The following PTPN11 variants were observed in gnomAD, a reference collection of about 807,000 sequenced individuals.
PTPN11 encodes the protein tyrosine-protein phosphatase non-receptor type 11.
In PTPN11, 6 loss-of-function variants were observed where a neutral mutation model predicts 78.8. That is an observed-to-expected ratio of 0.08 (90% CI 0.04 to 0.15). The LOEUF is 0.15. Ranked by LOEUF, PTPN11 falls within the 10% of genes least tolerant of loss-of-function variation. The pLI is 1.00. For missense variants in PTPN11, 386 were observed against 744.8 expected, an observed-to-expected ratio of 0.52 and a Z score of 5.61; for synonymous variants, 221 against 263.5, an observed-to-expected ratio of 0.84 and a Z score of 1.56.
intron 5 of PTPN11, among the ~76,000 whole-genome samples, chr12:112,455,100 G>T (rs1288620643): frequency 6.6e-6 from 1 of 151,888 alleles, no homozygotes; most frequent in Admixed American, 6.6e-5. Context: ...GATTACAGGC[G>T]TGAGCTACCA....
At chr12:112,476,887 A>C (rs899705048) in intron 7 of PTPN11, among the ~76,000 whole-genome samples, 2 of 152,212 alleles carry the variant, frequency 1.3e-5, no homozygotes, top group African/African-American at 4.8e-5. Flanking sequence ...CAGCTTCAAC[A>C]ATTATCAACT....
chr12:112,437,794 CCT>C (rs1431731324), intron 1 of PTPN11, among the ~76,000 whole-genome samples: 1 of 152,036 alleles, frequency 6.6e-6, no homozygotes, highest in East Asian at 1.9e-4. Flanking sequence ...TGCGGTAGTT[CCT>C]TAATTGTTTT....
intron 6 of PTPN11, among the ~76,000 whole-genome samples, chr12:112,470,570 A>G (rs144739874): frequency 2.6e-5 from 4 of 152,294 alleles, no homozygotes; most frequent in Non-Finnish European, 4.4e-5. Flanking sequence ...GGAGGGAGAA[A>G]TTGAAGGGTA....
intron 3 of PTPN11, among the ~76,000 whole-genome samples, chr12:112,451,391 A>G (rs1030063396): frequency 6.6e-6 from 1 of 152,160 alleles, no homozygotes; most frequent in African/African-American, 2.4e-5. Context: ...CCTTAACACC[A>G]CCTGCCATGA....
intron 7 of PTPN11, among the ~76,000 whole-genome samples, chr12:112,475,295 G>A (rs929641376): frequency 1.3e-5 from 2 of 151,944 alleles, no homozygotes; most frequent in African/African-American, 4.8e-5. Flanking sequence ...AGTGCACTGA[G>A]GAGAAAGGAA....
At chr12:112,472,230 C>T (rs2038430113) in intron 6 of PTPN11, among the ~76,000 whole-genome samples, 1 of 152,066 alleles carries the variant, frequency 6.6e-6, no homozygotes, top group Admixed American at 6.5e-5. Context: ...TCAAGTGATC[C>T]TCCAGCCTCA....
At chr12:112,432,596 A>G (rs909242655) in intron 1 of PTPN11, among the ~76,000 whole-genome samples, 3 of 150,832 alleles carry the variant, frequency 2.0e-5, no homozygotes. Context: ...TTGAACCCGG[A>G]AGGCGGAGGT....
intron 6 of PTPN11, among the ~76,000 whole-genome samples, chr12:112,464,722 G>A (rs2038300121): frequency 6.6e-6 from 1 of 151,204 alleles, no homozygotes; most frequent in Non-Finnish European, 1.5e-5. Context: ...ACTGTGCCTG[G>A]CCAGTTATTA....
chr12:112,472,792 C>T (rs768741788), intron 6 of PTPN11, 152 bp from the exon 7 acceptor site: 28 of 765,710 alleles, frequency 3.7e-5, no homozygotes, highest in Admixed American at 7.6e-5. Context: ...TAAGCCATCA[C>T]GCCTGACCCA....
At chr12:112,477,172 A>C (rs553125890) in intron 7 of PTPN11, among the ~76,000 whole-genome samples, 94 of 152,180 alleles carry the variant, frequency 6.2e-4, no homozygotes, top group African/African-American at 2.3e-3. Context: ...GTGGACCAAC[A>C]TGCCTGGCTA....
Position 112,434,585 on chromosome 12 carries a change from C to T in PTPN11, c.15-11691C>T, listed in dbSNP as rs1254862683. ...ATCACGCCACTGCATTCCAGCCTGG[C>T]GACAGAGCAAGACTCCGTCTCAAAA... is the stretch of plus-strand genomic sequence containing the variant. On this transcript the variant is annotated intron_variant, in intron 1 of 15. Transcript: ENST00000351677. Among the ~76,000 whole-genome samples, 7 of 148,210 alleles carry T rather than the reference C, an allele frequency of 4.7e-5. No homozygotes were observed. In the East Asian group the frequency reaches 6.0e-4, roughly 13 times the overall value.
At chr12:112,450,724 A>T (rs1463325515) in intron 3 of PTPN11, among the ~76,000 whole-genome samples, 1 of 152,212 alleles carries the variant, frequency 6.6e-6, no homozygotes, top group African/African-American at 2.4e-5. Context: ...AGTGTTACTT[A>T]CACTCATCCT....
At chr12:112,503,088 G>C (rs1300168043) in intron 14 of PTPN11, among the ~76,000 whole-genome samples, 1 of 152,184 alleles carries the variant, frequency 6.6e-6, no homozygotes, top group African/African-American at 2.4e-5. Context: ...TTACTGTATG[G>C]CCTGTTAATG....
rs535844531 is a variant in PTPN11 at position 112,419,990 on chromosome 12, A to G, written c.14+865A>G. ...CTGACCACAGCCCTATCAGATGGCTACTATTATCCCCATTGTAAAGATGAG... is the reference window on the plus strand; with the variant it reads ...CTGACCACAGCCCTATCAGATGGCTGCTATTATCCCCATTGTAAAGATGAG... On this transcript the variant is annotated intron_variant, in intron 1 of 15. Transcript: ENST00000351677. Among the ~76,000 whole-genome samples, 11 of 152,366 alleles carry G rather than the reference A, an allele frequency of 7.2e-5. No homozygotes were observed. In the South Asian group the frequency reaches 1.4e-3, roughly 20 times the overall value.
chr12:112,440,964 T>TC (rs2037879124), intron 1 of PTPN11, among the ~76,000 whole-genome samples: 2 of 148,910 alleles, frequency 1.3e-5, no homozygotes. Flanking sequence ...TCTTTTCTTT[T>TC]CTTTTTTTTT....
At chr12:112,473,189 C>T in intron 7 of PTPN11, 149 bp downstream of exon 7, 1 of 703,796 alleles carries the variant, frequency 1.4e-6, no homozygotes, top group Non-Finnish European at 2.5e-6. Context: ...AATAATCAAC[C>T]ATGGTGGGTG....
At chr12:112,502,119 A>T in intron 13 of PTPN11, 25 bp from the exon 14 acceptor site, 1 of 1,542,318 alleles carries the variant, frequency 6.5e-7, no homozygotes, top group Non-Finnish European at 9.0e-7. Context: ...ATTGTCCCTC[A>T]CATGTGCACT....
At chr12:112,474,208 G>T (rs2038461874) in intron 7 of PTPN11, among the ~76,000 whole-genome samples, 1 of 151,760 alleles carries the variant, frequency 6.6e-6, no homozygotes, top group Non-Finnish European at 1.5e-5. Context: ...AAATTAGCTG[G>T]GCGTGGTGGT....
At chr12:112,429,081 T>A (rs2037669823) in intron 1 of PTPN11, among the ~76,000 whole-genome samples, 1 of 152,108 alleles carries the variant, frequency 6.6e-6, no homozygotes. Context: ...TAGAGACAGC[T>A]CCAGAGCCAT....
Sources: gnomAD v4.1 joint callset for allele counts (sites outside exome capture counted in the v4.1 genomes callset) on GRCh38, gnomAD v4.1.1 for gene constraint, MANE v1.5 for transcripts, NCBI Gene and HGNC (gene_info 2026-07-23, HGNC 2026-07-21) for gene names.